The following ARL13B variants were observed in gnomAD, a reference collection of about 807,000 sequenced individuals.
ARL13B encodes the protein ADP-ribosylation factor-like protein 13B.
ARL13B carries 36 observed loss-of-function variants against 56.1 expected under a neutral mutation model. The ratio of observed to expected loss-of-function variants is 0.64; its 90% CI spans 0.49 to 0.85. The LOEUF (loss-of-function observed/expected upper bound fraction) is 0.85, where lower values mean the gene tolerates loss of function less well. Among genes scored for constraint, ARL13B ranks in the 40% least tolerant of loss-of-function variants. The pLI, the probability that ARL13B is intolerant of heterozygous loss-of-function variation, is 0.00. For synonymous variants in ARL13B, 178 were observed against 171.1 expected, an observed-to-expected ratio of 1.04 and a Z score of -0.32; for missense variants, 519 against 507.1, an observed-to-expected ratio of 1.02 and a Z score of -0.23.
intron 3 of ARL13B, among the ~76,000 whole-genome samples, chr3:94,016,846 C>T (rs757836077): frequency 6.6e-6 from 1 of 152,062 alleles, no homozygotes; most frequent in Non-Finnish European, 1.5e-5. Context: ...AGGGTTTCAC[C>T]ATATTGGCCA....
At chr3:93,980,729 G>GTA (rs1440110059) in intron 1 of ARL13B, among the ~76,000 whole-genome samples, 1 of 93,758 alleles carries the variant, frequency 1.1e-5, no homozygotes, top group Non-Finnish European at 2.1e-5. Context: ...GTTAAAAAGT[G>GTA]TGTGTGTGTG....
intron 3 of ARL13B, among the ~76,000 whole-genome samples, chr3:94,032,621 C>T (rs1049764875): frequency 2.0e-5 from 3 of 152,122 alleles, no homozygotes; most frequent in African/African-American, 7.2e-5. Flanking sequence ...CTCAGCCTCC[C>T]GAGTAGCTGG....
intron 3 of ARL13B, among the ~76,000 whole-genome samples, chr3:94,027,396 CTAAA>C (rs1193397034): frequency 6.6e-6 from 1 of 151,832 alleles, no homozygotes; most frequent in Non-Finnish European, 1.5e-5. Context: ...TTTATTTAGT[CTAAA>C]TAACTTATTG....
intron 2 of ARL13B, chr3:93,996,517 C>CT (rs754759037): frequency 0.029 from 6,783 of 232,714 alleles, no homozygotes; most frequent in South Asian, 0.059. Flanking sequence ...GGCTAGTCTT[C>CT]TTTTTTTTTT....
At chr3:94,048,492 C>T (rs775252687) in intron 7 of ARL13B, among the ~76,000 whole-genome samples, 7 of 152,188 alleles carry the variant, frequency 4.6e-5, no homozygotes, top group Non-Finnish European at 8.8e-5. Flanking sequence ...AGAAAGAACA[C>T]ATTCAATTCT....
intron 3 of ARL13B, among the ~76,000 whole-genome samples, chr3:94,026,196 T>A (rs548017827): frequency 1.3e-5 from 2 of 152,236 alleles, no homozygotes; most frequent in Admixed American, 1.3e-4. Context: ...ACTTTTTATA[T>A]TTTTAGTAGA....
chr3:94,015,372 G>C (rs988138402), intron 3 of ARL13B: 3 of 928,962 alleles, frequency 3.2e-6, no homozygotes, highest in Non-Finnish European at 4.5e-6. Flanking sequence ...CTATATCCCA[G>C]CAAAAGTTCT....
chr3:94,003,046 C>T (rs746213537), intron 2 of ARL13B, among the ~76,000 whole-genome samples: 3 of 152,074 alleles, frequency 2.0e-5, no homozygotes, highest in East Asian at 1.9e-4. Flanking sequence ...TTTATGTTTT[C>T]GTATATAGAA....
At chr3:94,047,318 A>C (rs1401124368) in intron 7 of ARL13B, among the ~76,000 whole-genome samples, 1 of 152,180 alleles carries the variant, frequency 6.6e-6, no homozygotes, top group Non-Finnish European at 1.5e-5. Context: ...TTGGGAAGTT[A>C]GGGCAGTCAT....
intron 6 of ARL13B, among the ~76,000 whole-genome samples, chr3:94,041,767 A>C (rs2076866536): frequency 6.6e-6 from 1 of 151,998 alleles, no homozygotes; most frequent in Non-Finnish European, 1.5e-5. Context: ...CAGTTTCCTA[A>C]AAAAAAATTA....
Position 94,025,537 on chromosome 3 carries a change from C to T in ARL13B, c.381-9794C>T, listed in dbSNP as rs529724816. On this transcript the variant is annotated intron_variant, in intron 3 of 9. Coordinates refer to ENST00000394222, the MANE Select transcript of ARL13B (RefSeq NM_001174150.2). Reference sequence around the variant, plus strand: ...TAAATTCCTATGTTTGCTGTGGCCACGGACTGGTGACCACTCTGTTAAATG... The same window carrying T: ...TAAATTCCTATGTTTGCTGTGGCCATGGACTGGTGACCACTCTGTTAAATG... Among the ~76,000 whole-genome samples the T allele has an allele frequency of 1.6e-4, 25 of 152,266 alleles. 1 individual carries two copies. The South Asian group carries it at 4.8e-3, about 29-fold the overall frequency.
At chr3:94,031,857 G>A (rs2076682134) in intron 3 of ARL13B, among the ~76,000 whole-genome samples, 1 of 152,112 alleles carries the variant, frequency 6.6e-6, no homozygotes, top group Non-Finnish European at 1.5e-5. Context: ...AGCGATGCTA[G>A]GAAAATTCAA....
intron 6 of ARL13B, among the ~76,000 whole-genome samples, chr3:94,041,759 G>A (rs1209090219): frequency 2.6e-5 from 4 of 152,092 alleles, no homozygotes; most frequent in African/African-American, 7.2e-5. Flanking sequence ...ACCAAAGGCA[G>A]TTTCCTAAAA....
chr3:94,007,078 C>T (rs550933972), intron 3 of ARL13B, among the ~76,000 whole-genome samples: 41 of 152,204 alleles, frequency 2.7e-4, no homozygotes, highest in Admixed American at 1.4e-3. Flanking sequence ...CTTCTGCCCG[C>T]GCCTTATCTG....
chr3:94,006,891 A>G (rs2076144986), intron 3 of ARL13B, among the ~76,000 whole-genome samples: 2 of 152,130 alleles, frequency 1.3e-5, no homozygotes, highest in African/African-American at 4.8e-5. Flanking sequence ...AGTAGAAAAG[A>G]TGTTCAGCAG....
chr3:94,020,057 T>C (rs1475356591), intron 3 of ARL13B, among the ~76,000 whole-genome samples: 1 of 152,198 alleles, frequency 6.6e-6, no homozygotes, highest in Non-Finnish European at 1.5e-5. Flanking sequence ...ATTTTACTTA[T>C]TTATATTAAC....
chr3:93,988,552 C>T, intron 1 of ARL13B: 1 of 320,236 alleles, frequency 3.1e-6, no homozygotes, highest in Non-Finnish European at 6.2e-6. Flanking sequence ...AAGACTTGCA[C>T]TTACAAAGCA....
At chr3:93,985,507 AT>A (rs1710415068) in intron 1 of ARL13B, among the ~76,000 whole-genome samples, 1 of 152,162 alleles carries the variant, frequency 6.6e-6, no homozygotes, top group Non-Finnish European at 1.5e-5. Context: ...TTGCATACAA[AT>A]TTTGGCAACA....
chr3:94,014,419 C>A, intron 3 of ARL13B: 2 of 1,574,494 alleles, frequency 1.3e-6, no homozygotes. Flanking sequence ...GCACCAACAA[C>A]ACAGTACTCT....
Sources: gnomAD v4.1 joint callset for allele counts (sites outside exome capture counted in the v4.1 genomes callset) on GRCh38, gnomAD v4.1.1 for gene constraint, MANE v1.5 for transcripts, NCBI Gene and HGNC (gene_info 2026-07-23, HGNC 2026-07-21) for gene names.